KLHL5: variants seen among roughly 807,000 people sequenced by gnomAD.
The protein encoded by KLHL5 is kelch like family member 5, also known as kelch-like protein 5.
Under a neutral mutation model 77.7 loss-of-function variants are expected in KLHL5, and 48 were observed. The observed-to-expected ratio is 0.62, with a 90% CI of 0.49 to 0.79. The LOEUF (loss-of-function observed/expected upper bound fraction) is 0.79, where lower values mean the gene tolerates loss of function less well. KLHL5 is among the 30% of genes least tolerant of loss of function. The probability of loss-of-function intolerance (pLI) is 0.00; values close to 1 mark genes in which losing one functional copy is unlikely to be tolerated. For missense variants in KLHL5, 723 were observed against 859.7 expected (o/e 0.84, Z 1.99); for synonymous variants, 260 against 297.0 (o/e 0.88, Z 1.28).
chr4:39,065,238 C>T (rs1717780046), intron 1 of KLHL5, among the ~76,000 whole-genome samples: 1 of 152,056 alleles, frequency 6.6e-6, no homozygotes, highest in African/African-American at 2.4e-5. Flanking sequence ...CATAAAGATA[C>T]ATTTATTTGC....
chr4:39,084,194 G>A (rs1380553585), intron 4 of KLHL5, among the ~76,000 whole-genome samples: 5 of 152,198 alleles, frequency 3.3e-5, no homozygotes, highest in East Asian at 1.9e-4. Context: ...ATAATGCCAC[G>A]CCAGTGAGTT....
chr4:39,122,674 G>A lies in KLHL5; in HGVS notation c.*1608G>A, dbSNP rs1225613260. Among the ~76,000 whole-genome samples the A allele has an allele frequency of 1.3e-5, 2 of 151,990 alleles. No individual in the cohort carries two copies. Among genetic ancestry groups the A allele is most frequent in the South Asian group, 2.1e-4 (1 of 4,818 alleles). ...AAAAATAAAAAAAAATTAGCCAGGC[G>A]TGGTGGCGGGTGCCTGTACGCCCAG... On this transcript the variant is annotated 3_prime_UTR_variant, in exon 11 of 11. Transcript: ENST00000504108.
At chr4:39,105,712 A>G (rs1189062199) in intron 7 of KLHL5, among the ~76,000 whole-genome samples, 1 of 143,168 alleles carries the variant, frequency 7.0e-6, no homozygotes, top group South Asian at 2.2e-4. Context: ...ATATTTATAT[A>G]CACATATATG....
At chr4:39,102,384 TA>T (rs542878375) in intron 6 of KLHL5, among the ~76,000 whole-genome samples, 112 of 133,054 alleles carry the variant, frequency 8.4e-4, no homozygotes, top group Middle Eastern at 3.8e-3. Context: ...TTCCAATTCT[TA>T]AAAAAAAAAA....
At chr4:39,142,306 A>T in the KLHL5 span, among the ~76,000 whole-genome samples, 1 of 151,918 alleles carries the variant, frequency 6.6e-6, no homozygotes, top group Non-Finnish European at 1.5e-5. Flanking sequence ...GAGGCAAGAG[A>T]ATTGCTTGAA....
chr4:39,062,606 C>T lies in KLHL5; in HGVS notation c.-47C>T. On this transcript the variant is annotated 5_prime_UTR_variant, in exon 1 of 11. Transcript: ENST00000504108. ...TTGGTTGGATGCACAAATCTGTGTG[C>T]AGTGCTTTTTGCCCGTTGCCTAGAC... is the stretch of plus-strand genomic sequence containing the variant. 6.2e-7 allele frequency: 1 copy of T among 1,614,116 alleles called. No homozygotes were observed. Among genetic ancestry groups the T allele is most frequent in the Non-Finnish European group, 8.5e-7 (1 of 1,180,020 alleles).
chr4:39,086,743 T>C lies in KLHL5; in HGVS notation c.1113+16T>C. The C allele has an allele frequency of 1.3e-6, 2 of 1,574,806 alleles. No individual in the cohort carries two copies. The highest frequency in any genetic ancestry group is 1.1e-5 in the South Asian group (1 of 90,162). On this transcript the variant is annotated intron_variant, in intron 5 of 10. Transcript: ENST00000504108. ...TGCACCACAGGTAATTAATAGGCACTTGTTTATAGGAATTTTTCTTTGCCT... is the reference window on the plus strand; with the variant it reads ...TGCACCACAGGTAATTAATAGGCACCTGTTTATAGGAATTTTTCTTTGCCT...
intron 4 of KLHL5, among the ~76,000 whole-genome samples, chr4:39,085,592 AT>A (rs1410518030): frequency 6.6e-6 from 1 of 152,172 alleles, no homozygotes; most frequent in Non-Finnish European, 1.5e-5. Flanking sequence ...AACCTTTCAA[AT>A]CAGATGGTAT....
the KLHL5 span, among the ~76,000 whole-genome samples, chr4:39,141,343 T>C: frequency 4.4e-4 from 65 of 148,840 alleles, 1 homozygote; most frequent in East Asian, 4.1e-3. Flanking sequence ...GAGTCTCGCT[T>C]TGTTGCCCAG....
At chr4:39,102,226 A>T (rs937114957) in intron 6 of KLHL5, among the ~76,000 whole-genome samples, 5 of 151,836 alleles carry the variant, frequency 3.3e-5, no homozygotes, top group Admixed American at 2.6e-4. Flanking sequence ...GGCTTACATG[A>T]TGTATTAGAA....
At chr4:39,069,481 C>G (rs962283097) in intron 1 of KLHL5, among the ~76,000 whole-genome samples, 1 of 135,464 alleles carries the variant, frequency 7.4e-6, no homozygotes, top group Non-Finnish European at 1.6e-5. Context: ...TATACACACA[C>G]ACACACACAC....
chr4:39,100,227 G>A (rs1022060926), intron 6 of KLHL5, among the ~76,000 whole-genome samples: 1 of 152,124 alleles, frequency 6.6e-6, no homozygotes, highest in Non-Finnish European at 1.5e-5. Context: ...TACATACAGT[G>A]GAAAACTCCC....
At chr4:39,055,273 T>TC (rs1247218663) in intron 1 of KLHL5, among the ~76,000 whole-genome samples, 4 of 152,264 alleles carry the variant, frequency 2.6e-5, no homozygotes, top group Admixed American at 2.0e-4. Context: ...GCAAATGTTT[T>TC]GTTTTCATGG....
intron 8 of KLHL5, 77 bp downstream of exon 8, chr4:39,107,808 TATAC>T (rs1722163454): frequency 3.8e-6 from 4 of 1,060,870 alleles, no homozygotes; most frequent in Non-Finnish European, 2.7e-6. Flanking sequence ...AATTTAAAGA[TATAC>T]ATAAATACTT....
chr4:39,081,309 T>C lies in KLHL5; in HGVS notation c.703+70T>C. The C allele has an allele frequency of 7.3e-7, 1 of 1,364,724 alleles. No homozygotes were observed. The highest frequency in any genetic ancestry group is 9.9e-7 in the Non-Finnish European group (1 of 1,010,976). The allele number at this position is 1,364,724 out of a possible 1,614,324, so 84.5% of individuals were successfully genotyped here. ...TGTATTATTAGATTTCAGATTTCTG[T>C]TTTTAGAAAGCATGCCATAGCTAAC... On this transcript the variant is annotated intron_variant, in intron 3 of 10. Transcript: ENST00000504108. This position sits in a 1 kb window ranked among gnomAD's most constrained non-coding sequence, Gnocchi z 4.3.
intron 10 of KLHL5, among the ~76,000 whole-genome samples, chr4:39,116,497 G>C (rs1038727618): frequency 1.4e-4 from 21 of 151,776 alleles, no homozygotes; most frequent in African/African-American, 5.1e-4. Flanking sequence ...AGATAAGAGA[G>C]AAAAAAGAAA....
intron 5 of KLHL5, among the ~76,000 whole-genome samples, chr4:39,095,899 A>T (rs1721022908): frequency 1.3e-5 from 2 of 151,866 alleles, no homozygotes; most frequent in South Asian, 4.1e-4. Context: ...ATATAAATGT[A>T]TGAGAATTAT....
downstream of KLHL5, among the ~76,000 whole-genome samples, chr4:39,127,133 C>T (rs532732435): frequency 4.3e-4 from 66 of 151,844 alleles, no homozygotes; most frequent in Non-Finnish European, 8.2e-4. Context: ...CTCAGGAGTT[C>T]GAGACCAGCC....
At chr4:39,051,617 C>T (rs964729910) in intron 1 of KLHL5, among the ~76,000 whole-genome samples, 12 of 152,180 alleles carry the variant, frequency 7.9e-5, no homozygotes, top group Non-Finnish European at 1.6e-4. Context: ...ATTTTCACAG[C>T]AGTCCACGCA....
Sources: allele counts gnomAD v4.1 joint callset (sites outside exome capture counted in the v4.1 genomes callset), GRCh38; gene constraint gnomAD v4.1.1; non-coding constraint Gnocchi (gnomAD v3.1); transcripts MANE v1.5; gene names NCBI Gene and HGNC (gene_info 2026-07-23, HGNC 2026-07-21).